Variants in UNC13C observed in about 807,000 individuals in gnomAD.
The protein encoded by UNC13C is unc-13 homolog C.
A neutral mutation model predicts 245.4 loss-of-function variants in UNC13C; 174 were observed. That is an observed-to-expected ratio of 0.71 (90% CI 0.63 to 0.80). The LOEUF (loss-of-function observed/expected upper bound fraction) is 0.80, where lower values mean the gene tolerates loss of function less well. Ranked by LOEUF, UNC13C falls within the 30% of genes least tolerant of loss-of-function variation. The pLI is 0.00. For synonymous variants in UNC13C, 992 were observed against 895.1 expected (o/e 1.11, Z -1.93); for missense variants, 2,829 against 2,602.9 (o/e 1.09, Z -1.89).
At chr15:54,492,916 G>C (rs577716451) in intron 19 of UNC13C, among the ~76,000 whole-genome samples, 2 of 152,154 alleles carry the variant, frequency 1.3e-5, no homozygotes, top group African/African-American at 4.8e-5. Context: ...GTCTTAGAGG[G>C]TGTTAATCAT....
chr15:54,556,832 A>G (rs1264562060), intron 29 of UNC13C, among the ~76,000 whole-genome samples: 1 of 152,032 alleles, frequency 6.6e-6, no homozygotes, highest in Non-Finnish European at 1.5e-5. Flanking sequence ...CATGCATTTT[A>G]TTAGGTCAAT....
intron 2 of UNC13C, among the ~76,000 whole-genome samples, chr15:54,139,674 G>A (rs935526196): frequency 4.0e-5 from 6 of 151,856 alleles, no homozygotes; most frequent in African/African-American, 1.5e-4. Context: ...GTACTCTTTA[G>A]TTGTAGTTTT....
At chr15:54,279,542 T>G (rs746722215) in intron 10 of UNC13C, among the ~76,000 whole-genome samples, 34 of 152,202 alleles carry the variant, frequency 2.2e-4, no homozygotes, top group Non-Finnish European at 3.5e-4. Context: ...AACCACAACT[T>G]GTTACTGGCA....
chr15:54,325,441 A>C (rs551856370), intron 14 of UNC13C, among the ~76,000 whole-genome samples: 2 of 152,024 alleles, frequency 1.3e-5, no homozygotes, highest in Non-Finnish European at 2.9e-5. Context: ...TTTAAGTTCC[A>C]GGGTACATGT....
intron 13 of UNC13C, among the ~76,000 whole-genome samples, chr15:54,314,508 A>G (rs530754361): frequency 9.2e-5 from 14 of 151,794 alleles, no homozygotes; most frequent in African/African-American, 3.4e-4. Context: ...GTGGATGGTT[A>G]AGAAGGAGTC....
intron 1 of UNC13C, among the ~76,000 whole-genome samples, chr15:53,984,736 A>G (rs1356861437): frequency 6.6e-6 from 1 of 152,108 alleles, no homozygotes; most frequent in Non-Finnish European, 1.5e-5. Flanking sequence ...GTAAGGGAAG[A>G]AGAGTATGAT....
intron 19 of UNC13C, among the ~76,000 whole-genome samples, chr15:54,433,080 T>C (rs1331858791): frequency 2.6e-5 from 4 of 151,960 alleles, no homozygotes; most frequent in Non-Finnish European, 4.4e-5. Flanking sequence ...AATAACAAGT[T>C]ATGAAATTGA....
upstream of UNC13C, among the ~76,000 whole-genome samples, chr15:53,973,413 T>A (rs1032452334): frequency 4.6e-5 from 7 of 152,068 alleles, no homozygotes; most frequent in Non-Finnish European, 7.4e-5. Context: ...AGAAATTACA[T>A]TTATACCTAT....
chr15:54,567,376 T>C (rs2060120137), intron 29 of UNC13C, among the ~76,000 whole-genome samples: 1 of 152,098 alleles, frequency 6.6e-6, no homozygotes, highest in Admixed American at 6.6e-5. Flanking sequence ...CTCAAACTGG[T>C]ATCTGGAAAA....
At position 54,002,548 on chromosome 15, in the gene UNC13C, C is replaced by T. The variant is rs749277650; in HGVS notation, c.-256-10100C>T. On this transcript the variant is annotated intron_variant, in intron 1 of 32. Coordinates refer to ENST00000260323, the MANE Select transcript of UNC13C (RefSeq NM_001080534.3). Reference sequence around the variant, plus strand: ...GCTCCTTGCCTTGGTATAGGACACTCGGGTGGTAATGTGTCAAACGTGGTG... The same window carrying T: ...GCTCCTTGCCTTGGTATAGGACACTTGGGTGGTAATGTGTCAAACGTGGTG... Among the ~76,000 whole-genome samples, 13 of 152,194 alleles carry T rather than the reference C, an allele frequency of 8.5e-5. No individual in the cohort carries two copies. In the South Asian group the frequency reaches 1.0e-3, roughly 12 times the overall value.
intron 18 of UNC13C, among the ~76,000 whole-genome samples, chr15:54,408,551 A>G (rs2040354651): frequency 6.6e-6 from 1 of 152,204 alleles, no homozygotes; most frequent in Admixed American, 6.5e-5. Context: ...TTCTACTTCA[A>G]AATTGAATTT....
chr15:53,978,952 C>T (rs535691258), intron 1 of UNC13C, among the ~76,000 whole-genome samples, 25 bp downstream of exon 1: 5 of 152,170 alleles, frequency 3.3e-5, no homozygotes, highest in Non-Finnish European at 7.3e-5. Flanking sequence ...CCGTTGCACG[C>T]ACTGCTTCAT....
At chr15:54,330,936 C>T (rs1477290242) in intron 14 of UNC13C, among the ~76,000 whole-genome samples, 7 of 152,034 alleles carry the variant, frequency 4.6e-5, no homozygotes, top group African/African-American at 1.7e-4. Flanking sequence ...AGATGATACT[C>T]AAACTTTCTT....
chr15:53,862,722 A>T, the UNC13C span, among the ~76,000 whole-genome samples: 70,348 of 151,848 alleles, frequency 0.46, 16,575 homozygotes, highest in Middle Eastern at 0.59. Flanking sequence ...CGTTGGGGAG[A>T]CAGAGCGAAA....
intron 23 of UNC13C, among the ~76,000 whole-genome samples, chr15:54,511,228 A>C (rs1194940219): frequency 6.6e-6 from 1 of 152,192 alleles, no homozygotes; most frequent in African/African-American, 2.4e-5. Flanking sequence ...GAGTCAAATA[A>C]GCAAGTAGGA....
At chr15:54,380,791 C>T (rs2039707319) in intron 17 of UNC13C, among the ~76,000 whole-genome samples, 1 of 152,010 alleles carries the variant, frequency 6.6e-6, no homozygotes. Flanking sequence ...GTTCTTTGCC[C>T]ATGTTTAATT....
chr15:54,054,653 C>T (rs188137658), intron 2 of UNC13C, among the ~76,000 whole-genome samples: 142 of 152,198 alleles, frequency 9.3e-4, no homozygotes, highest in Middle Eastern at 3.4e-3. Flanking sequence ...CCCACTTTCT[C>T]TACTGGTTTT....
At chr15:54,519,049 A>C (rs1407161115) in intron 24 of UNC13C, among the ~76,000 whole-genome samples, 1 of 152,192 alleles carries the variant, frequency 6.6e-6, no homozygotes, top group Non-Finnish European at 1.5e-5. Flanking sequence ...GCAGCTCTTC[A>C]GTCCCCATGT....
At position 54,158,421 on chromosome 15, in the gene UNC13C, C is replaced by T. The variant is rs182325986; in HGVS notation, c.3071+14737C>T. Among the ~76,000 whole-genome samples, 71 of 152,124 alleles carry T rather than the reference C, an allele frequency of 4.7e-4. No individual in the cohort carries two copies. The East Asian group carries it at 7.0e-3, about 15-fold the overall frequency. ...TCTGCTCATTGCAAGCTCCACCTCC[C>T]GGGTTCTCACCATTCTCCACCTCAG... On this transcript the variant is annotated intron_variant, in intron 4 of 32. Coordinates refer to ENST00000260323, the MANE Select transcript of UNC13C (RefSeq NM_001080534.3).
Sources: gnomAD v4.1 joint callset for allele counts (sites outside exome capture counted in the v4.1 genomes callset) on GRCh38, gnomAD v4.1.1 for gene constraint, MANE v1.5 for transcripts, NCBI Gene and HGNC (gene_info 2026-07-23, HGNC 2026-07-21) for gene names.